WDR4: variants seen among roughly 807,000 people sequenced by gnomAD.
WDR4 encodes the protein tRNA (guanine-N(7)-)-methyltransferase non-catalytic subunit WDR4.
Under a neutral mutation model 48.6 loss-of-function variants are expected in WDR4, and 47 were observed. The observed-to-expected ratio is 0.97, with a 90% CI of 0.77 to 1.23. The LOEUF is 1.23. WDR4 is among the 50% of genes most tolerant of loss of function. The pLI, the probability that WDR4 is intolerant of heterozygous loss-of-function variation, is 0.00. For missense variants in WDR4, 606 were observed against 551.6 expected (o/e 1.10, Z -0.99); for synonymous variants, 268 against 230.0 (o/e 1.17, Z -1.49).
chr21:42,846,944 C>G (rs1168140565), downstream of WDR4, among the ~76,000 whole-genome samples: 1 of 150,986 alleles, frequency 6.6e-6, no homozygotes, highest in Admixed American at 6.6e-5. Context: ...TCGCTTGAAC[C>G]CGGGAGGCGG....
intron 3 of WDR4, among the ~76,000 whole-genome samples, chr21:42,866,245 G>A (rs2058243509): frequency 1.3e-5 from 2 of 152,112 alleles, no homozygotes; most frequent in South Asian, 2.1e-4. Flanking sequence ...CAGGCCCTCC[G>A]TCCCTTGCGG....
chr21:42,853,376 G>A (rs74787793), intron 9 of WDR4, among the ~76,000 whole-genome samples, 193 bp downstream of exon 9: 2,596 of 152,304 alleles, frequency 0.017, 21 homozygotes, highest in Middle Eastern at 0.034. Flanking sequence ...CAGCCACGCC[G>A]GCCTGGCACC....
intron 3 of WDR4, among the ~76,000 whole-genome samples, chr21:42,867,910 C>T (rs1198494694): frequency 6.6e-6 from 1 of 152,130 alleles, no homozygotes; most frequent in Non-Finnish European, 1.5e-5. Flanking sequence ...CACACCAGCA[C>T]ACAACCTTCA....
chr21:42,850,454 G>A (rs988209910), intron 10 of WDR4, among the ~76,000 whole-genome samples: 2 of 152,236 alleles, frequency 1.3e-5, no homozygotes, highest in South Asian at 2.1e-4. Context: ...ACAGAACGGG[G>A]CAAAGATGAA....
chr21:42,844,350 A>C (rs1391923879), downstream of WDR4, among the ~76,000 whole-genome samples: 2 of 152,212 alleles, frequency 1.3e-5, no homozygotes, highest in African/African-American at 4.8e-5. Flanking sequence ...AGGGATAAAG[A>C]GAAAAAAACA....
At chr21:42,873,483 T>C (rs528981604) in intron 3 of WDR4, 68 bp downstream of exon 3, 37 of 1,591,294 alleles carry the variant, frequency 2.3e-5, no homozygotes, top group African/African-American at 2.3e-4. Context: ...ATGGTCACTA[T>C]TGCTACAGGC....
At chr21:42,867,979 T>A (rs1266339462) in intron 3 of WDR4, among the ~76,000 whole-genome samples, 1 of 152,122 alleles carries the variant, frequency 6.6e-6, no homozygotes, top group East Asian at 1.9e-4. Context: ...CAACCAAGGA[T>A]GAAGAGGCCC....
At chr21:42,888,359 G>A in the WDR4 span, among the ~76,000 whole-genome samples, 1 of 151,970 alleles carries the variant, frequency 6.6e-6, no homozygotes, top group South Asian at 2.1e-4. Context: ...AACAGTTCCA[G>A]ACCAGCCTAG....
chr21:42,881,282 C>G (rs1384975352), upstream of WDR4, among the ~76,000 whole-genome samples: 1 of 152,212 alleles, frequency 6.6e-6, no homozygotes, highest in Non-Finnish European at 1.5e-5. Flanking sequence ...TAGCGCCACT[C>G]TGAATTTGAT....
chr21:42,879,282 G>C lies in WDR4; in HGVS notation c.89+125C>G, dbSNP rs370321631. On this transcript the variant is annotated intron_variant, in intron 1 of 10. Coordinates refer to ENST00000398208, the MANE Select transcript of WDR4 (RefSeq NM_018669.6). ...ACTGCGGCGGAGGACTCGTGGGCTG[G>C]AGCGGAGTTCCCCGGGGTCACCCCA... 3.1e-5 allele frequency: 44 copies of C among 1,415,108 alleles called. No homozygotes were observed. In the African/African-American group the frequency reaches 4.3e-4, roughly 14 times the overall value. The allele number at this position is 1,415,108 out of a possible 1,614,324, so 87.7% of individuals were successfully genotyped here.
At chr21:42,849,038 A>G (rs1156790543), downstream of WDR4, among the ~76,000 whole-genome samples, 6 of 140,294 alleles carry the variant, frequency 4.3e-5, no homozygotes, top group East Asian at 1.3e-3. Flanking sequence ...TCACACACAC[A>G]GCGCACGATC....
At chr21:42,865,968 C>T (rs575327921) in intron 3 of WDR4, among the ~76,000 whole-genome samples, 1 of 152,218 alleles carries the variant, frequency 6.6e-6, no homozygotes, top group Non-Finnish European at 1.5e-5. Flanking sequence ...CACCAGGCAC[C>T]ATCCACACCC....
intron 6 of WDR4, 103 bp downstream of exon 6, chr21:42,859,559 C>CAGGGGCCAGCGATCCAT: frequency 1.6e-6 from 2 of 1,255,604 alleles, no homozygotes; most frequent in Non-Finnish European, 2.2e-6. Context: ...CACAGCCAGC[C>CAGGGGCCAGCGATCCAT]AGGGGCCAGC....
intron 3 of WDR4, among the ~76,000 whole-genome samples, chr21:42,869,506 T>C (rs1229416857): frequency 6.6e-6 from 1 of 152,162 alleles, no homozygotes; most frequent in Non-Finnish European, 1.5e-5. Context: ...TGGTTACCGG[T>C]GCAGCTCACC....
upstream of WDR4, among the ~76,000 whole-genome samples, chr21:42,880,030 T>G (rs554945237): frequency 1.8e-4 from 28 of 151,710 alleles, no homozygotes; most frequent in South Asian, 8.3e-4. Context: ...CTTGGGAGGC[T>G]GAGACAGAAG....
intron 11 of WDR4, among the ~76,000 whole-genome samples, chr21:42,843,442 ACT>A (rs1387920983): frequency 1.8e-5 from 2 of 109,522 alleles, no homozygotes; most frequent in Non-Finnish European, 3.4e-5. Flanking sequence ...TGAGACCGTC[ACT>A]CTGTCACCCA....
the WDR4 span, among the ~76,000 whole-genome samples, chr21:42,891,430 T>A: frequency 6.6e-6 from 1 of 152,120 alleles, no homozygotes; most frequent in Non-Finnish European, 1.5e-5. Flanking sequence ...CTTTTCTTTT[T>A]GTTTCTTCTT....
upstream of WDR4, among the ~76,000 whole-genome samples, chr21:42,884,327 G>A (rs1347937479): frequency 6.6e-6 from 1 of 152,130 alleles, no homozygotes; most frequent in African/African-American, 2.4e-5. Flanking sequence ...GAACCTGGGA[G>A]GTAGAGGTTG....
intron 11 of WDR4, among the ~76,000 whole-genome samples, chr21:42,843,561 C>T (rs2145975149): frequency 6.6e-6 from 1 of 151,480 alleles, no homozygotes; most frequent in South Asian, 2.1e-4. Context: ...CAGGCATGTG[C>T]CACCACACCT....
Sources: allele counts gnomAD v4.1 joint callset (sites outside exome capture counted in the v4.1 genomes callset), GRCh38; gene constraint gnomAD v4.1.1; transcripts MANE v1.5; gene names NCBI Gene and HGNC (gene_info 2026-07-23, HGNC 2026-07-21).